IGSF11: variants seen among roughly 807,000 people sequenced by gnomAD.
IGSF11 encodes CXADR like 1.
Under a neutral mutation model 41.0 loss-of-function variants are expected in IGSF11, and 22 were observed. The ratio of observed to expected loss-of-function variants is 0.54; its 90% CI spans 0.38 to 0.77. IGSF11 has a LOEUF of 0.77. IGSF11 is among the 30% of genes least tolerant of loss of function. The pLI is 0.00. For synonymous variants in IGSF11, 219 were observed against 201.3 expected (o/e 1.09, Z -0.74); for missense variants, 444 against 530.8 (o/e 0.84, Z 1.61).
intron 1 of IGSF11, among the ~76,000 whole-genome samples, chr3:119,086,346 C>T (rs2076672689): frequency 1.3e-5 from 2 of 152,262 alleles, no homozygotes; most frequent in South Asian, 4.2e-4. Flanking sequence ...TTTCTCTAAT[C>T]TTGCTAGGCA....
intron 1 of IGSF11, among the ~76,000 whole-genome samples, chr3:119,134,476 A>C (rs2077529096): frequency 6.6e-6 from 1 of 152,208 alleles, no homozygotes; most frequent in African/African-American, 2.4e-5. Context: ...TGCTACAAAG[A>C]GAATAAAATA....
At chr3:119,054,709 T>C (rs372148925) in intron 1 of IGSF11, among the ~76,000 whole-genome samples, 1 of 152,172 alleles carries the variant, frequency 6.6e-6, no homozygotes, top group African/African-American at 2.4e-5. Flanking sequence ...GAAGTAATTA[T>C]ATGAAAAAGA....
chr3:118,986,959 G>A (rs931995933), intron 1 of IGSF11, among the ~76,000 whole-genome samples: 36 of 152,120 alleles, frequency 2.4e-4, no homozygotes, highest in African/African-American at 7.2e-4. Flanking sequence ...AGAACACAGC[G>A]GTAAAGGAGA....
Position 118,917,059 on chromosome 3 carries a change from T to C in IGSF11, c.580+9042A>G, listed in dbSNP as rs1326412543. Among the ~76,000 whole-genome samples the C allele has an allele frequency of 3.8e-4, 58 of 152,142 alleles. 1 individual carries two copies. The East Asian group carries it at 6.4e-3, about 17-fold the overall frequency. ...AAATAAAGATGTTCTTTGAAACCAA[T>C]GAGAACAAAGACACAACATAGCAGA... On this transcript the variant is annotated intron_variant, in intron 4 of 6. Coordinates refer to ENST00000393775, the MANE Select transcript of IGSF11 (RefSeq NM_001015887.3).
chr3:119,095,133 T>C (rs887126154), intron 1 of IGSF11, among the ~76,000 whole-genome samples: 4 of 152,188 alleles, frequency 2.6e-5, no homozygotes, highest in Non-Finnish European at 5.9e-5. Context: ...AAAGTTGGTA[T>C]TTGAAAAATG....
chr3:119,034,085 G>A (rs1940676711), intron 1 of IGSF11, among the ~76,000 whole-genome samples: 1 of 152,162 alleles, frequency 6.6e-6, no homozygotes, highest in Non-Finnish European at 1.5e-5. Context: ...ACGTGTATAG[G>A]CTTCTAAAAG....
intron 1 of IGSF11, among the ~76,000 whole-genome samples, chr3:119,142,000 G>T (rs576112193): frequency 7.9e-4 from 121 of 152,228 alleles, no homozygotes; most frequent in African/African-American, 2.7e-3. Flanking sequence ...TTCTGGCCGG[G>T]CGCGGTGGCT....
At chr3:119,116,796 T>A (rs1414044107) in intron 1 of IGSF11, among the ~76,000 whole-genome samples, 4 of 152,132 alleles carry the variant, frequency 2.6e-5, no homozygotes, top group Non-Finnish European at 5.9e-5. Flanking sequence ...GAGATATCTT[T>A]CCAGAATTTT....
At chr3:118,932,666 A>G (rs576763445) in intron 1 of IGSF11, among the ~76,000 whole-genome samples, 15 of 152,254 alleles carry the variant, frequency 9.9e-5, no homozygotes, top group Non-Finnish European at 2.2e-4. Flanking sequence ...GAGCTACCTC[A>G]TAAGGTAGAA....
At chr3:119,111,209 C>G (rs1446036138) in intron 1 of IGSF11, among the ~76,000 whole-genome samples, 4 of 152,308 alleles carry the variant, frequency 2.6e-5, no homozygotes, top group Middle Eastern at 3.4e-3. Flanking sequence ...TCCATTCTCC[C>G]CATCACTTTC....
chr3:119,077,683 A>G (rs2076523553), intron 1 of IGSF11, among the ~76,000 whole-genome samples: 1 of 152,186 alleles, frequency 6.6e-6, no homozygotes. Context: ...AGCCAGAGCA[A>G]TCAAGCAAGA....
intron 1 of IGSF11, among the ~76,000 whole-genome samples, chr3:119,034,193 C>A (rs1013776438): frequency 6.6e-6 from 1 of 152,224 alleles, no homozygotes; most frequent in East Asian, 1.9e-4. Flanking sequence ...AATACAGTTT[C>A]TAACTGGACC....
upstream of IGSF11, among the ~76,000 whole-genome samples, chr3:119,107,858 T>C (rs1018581461): frequency 1.3e-5 from 2 of 148,678 alleles, no homozygotes; most frequent in African/African-American, 4.9e-5. Context: ...CTTTCCCCAT[T>C]GCTTGTTTTT....
At chr3:119,107,415 C>T (rs62273471), upstream of IGSF11, among the ~76,000 whole-genome samples, 30,005 of 152,082 alleles carry the variant, frequency 0.2, 3,210 homozygotes, top group South Asian at 0.29. Flanking sequence ...ATATCCTTCA[C>T]CCACTTTTTG....
At position 119,018,637 on chromosome 3, in the gene IGSF11, T is replaced by C. The variant is rs144502469; in HGVS notation, c.52+15894A>G. 1.6e-4 allele frequency among the ~76,000 whole-genome samples: 25 copies of C among 152,372 alleles called. No individual in the cohort carries two copies. In the East Asian group the frequency reaches 4.6e-3, roughly 28 times the overall value. On this transcript the variant is annotated intron_variant, in intron 1 of 6. Coordinates refer to ENST00000393775, the MANE Select transcript of IGSF11 (RefSeq NM_001015887.3). ...CAACTGAAACATCTATTTCTTCACT[T>C]GGAAATAGGACTAATACTCATCTAT... is the stretch of plus-strand genomic sequence containing the variant.
intron 1 of IGSF11, among the ~76,000 whole-genome samples, chr3:119,081,980 T>C (rs969403742): frequency 2.0e-5 from 3 of 152,134 alleles, no homozygotes; most frequent in African/African-American, 4.8e-5. Flanking sequence ...TTTAGGAAAC[T>C]CCAATGTGAG....
At position 119,092,484 on chromosome 3, in the gene IGSF11, C is replaced by A. The variant is rs376617589; in HGVS notation, c.49+12660G>T. Reference sequence around the variant, plus strand: ...AGCTGGGATTCCAGGCATGTGGCACCATGCCTGGCTAATGTTTGTACTTTT... The same window carrying A: ...AGCTGGGATTCCAGGCATGTGGCACAATGCCTGGCTAATGTTTGTACTTTT... On this transcript the variant is annotated intron_variant, in intron 1 of 6. Coordinates refer to the IGSF11 transcript ENST00000354673. Among the ~76,000 whole-genome samples, 76 of 152,154 alleles carry A rather than the reference C, an allele frequency of 5.0e-4. 1 individual carries two copies. Among genetic ancestry groups the A allele is most frequent in the African/African-American group, 1.8e-3 (75 of 41,526 alleles).
chr3:118,985,949 T>G (rs184385352), intron 1 of IGSF11, among the ~76,000 whole-genome samples: 5 of 152,290 alleles, frequency 3.3e-5, no homozygotes, highest in Admixed American at 3.3e-4. Context: ...CTTTATAGGA[T>G]ATAAGTCAAG....
intron 1 of IGSF11, among the ~76,000 whole-genome samples, chr3:119,054,529 A>T (rs1040094586): frequency 6.6e-6 from 1 of 152,204 alleles, no homozygotes; most frequent in Admixed American, 6.5e-5. Context: ...ACTAAAAAAT[A>T]ATAAATGTTG....
Sources: gnomAD v4.1 joint callset for allele counts (sites outside exome capture counted in the v4.1 genomes callset) on GRCh38, gnomAD v4.1.1 for gene constraint, MANE v1.5 for transcripts, NCBI Gene and HGNC (gene_info 2026-07-23, HGNC 2026-07-21) for gene names.